Variants in OPALIN observed in about 807,000 individuals in gnomAD.
OPALIN encodes the protein transmembrane protein 10.
In OPALIN, 15 loss-of-function variants were observed where a neutral mutation model predicts 17.8. The ratio of observed to expected loss-of-function variants is 0.84; its 90% CI spans 0.56 to 1.29. OPALIN has a LOEUF of 1.29. OPALIN is among the 50% of genes most tolerant of loss of function. OPALIN has a pLI of 0.00. For missense variants in OPALIN, 170 were observed against 176.0 expected (o/e 0.97, Z 0.19); for synonymous variants, 62 against 63.8 (o/e 0.97, Z 0.14).
At chr10:96,351,522 C>T (rs2146392) in intron 2 of OPALIN, 112 bp from the exon 3 acceptor site, 399,960 of 559,242 alleles carry the variant, frequency 0.72, 144,922 homozygotes, top group Non-Finnish European at 0.75. Context: ...TATCCCTTTG[C>T]TAAACTTTCT....
chr10:96,349,321 T>C (rs1202616955), intron 4 of OPALIN, among the ~76,000 whole-genome samples: 3 of 152,180 alleles, frequency 2.0e-5, no homozygotes, highest in African/African-American at 7.2e-5. Context: ...TCAGCCCCTC[T>C]TCATCTCCTA....
At chr10:96,346,949 ATTG>A (rs557889793) in intron 5 of OPALIN, among the ~76,000 whole-genome samples, 1 of 152,112 alleles carries the variant, frequency 6.6e-6, no homozygotes, top group Non-Finnish European at 1.5e-5. Context: ...ACTTTTTCTA[ATTG>A]TTGTTGATGT....
chr10:96,357,298 A>AAC, intron 1 of OPALIN: 2 of 286,870 alleles, frequency 7.0e-6, no homozygotes, highest in Non-Finnish European at 1.0e-5. Context: ...GTTGTTTATC[A>AAC]ACATTCGGAT....
rs1218427391 is a variant in OPALIN at position 96,344,533 on chromosome 10, T to A, written c.*1408A>T. The A allele has an allele frequency of 6.6e-6, 1 of 151,878 alleles. No individual in the cohort carries two copies. The highest frequency in any genetic ancestry group is 1.5e-5 in the Non-Finnish European group (1 of 68,028). The allele number at this position is 151,878 out of a possible 1,614,324, so 9.4% of individuals were successfully genotyped here. ...GATAAGAGAAAGCTGGAGGGTGGCC[T>A]CTCCTGGAGTAATCCACCCAAAATA... On this transcript the variant is annotated 3_prime_UTR_variant, in exon 6 of 6. Coordinates refer to ENST00000371172, the MANE Select transcript of OPALIN (RefSeq NM_033207.5).
Position 96,349,562 on chromosome 10 carries a change from G to A in OPALIN, c.192+145C>T, listed in dbSNP as rs1845483033. The A allele has an allele frequency of 1.3e-5, 12 of 892,418 alleles. No homozygotes were observed. The South Asian group carries it at 2.3e-4, about 17-fold the overall frequency. 55.3% of individuals were successfully genotyped at this position (892,418 alleles called of 1,614,324 possible). ...TGGTGCCTAATGTCATGTCTGCAGT[G>A]GAAATTATGGCCCAGAAACTTCCAG... On this transcript the variant is annotated intron_variant, in intron 4 of 5. Transcript: ENST00000371172.
Sources: gnomAD v4.1 joint callset for allele counts (sites outside exome capture counted in the v4.1 genomes callset) on GRCh38, gnomAD v4.1.1 for gene constraint, MANE v1.5 for transcripts, NCBI Gene and HGNC (gene_info 2026-07-23, HGNC 2026-07-21) for gene names.